IL1RAPL2: variants seen among roughly 807,000 people sequenced by gnomAD.
The protein encoded by IL1RAPL2 is interleukin 1 receptor accessory protein like 2.
Under a neutral mutation model 44.1 loss-of-function variants are expected in IL1RAPL2, and 3 were observed. That is an observed-to-expected ratio of 0.07 (90% CI 0.03 to 0.18). The LOEUF (loss-of-function observed/expected upper bound fraction) is 0.18. IL1RAPL2 is among the 10% of genes least tolerant of loss of function. The probability of loss-of-function intolerance (pLI) is 1.00; values close to 1 mark genes in which losing one functional copy is unlikely to be tolerated. For missense variants in IL1RAPL2, 391 were observed against 496.4 expected (o/e 0.79, Z 2.02); for synonymous variants, 181 against 178.8 (o/e 1.01, Z -0.10).
At chrX:105,100,332 C>T (rs1317672103) in intron 2 of IL1RAPL2, among the ~76,000 whole-genome samples, 1 of 111,559 alleles carries the variant, frequency 9.0e-6, no homozygotes, top group African/African-American at 3.3e-5. Context: ...ACTATTCAGA[C>T]TAAAGCCAGG....
At chrX:104,701,702 A>G (rs917934354) in intron 2 of IL1RAPL2, among the ~76,000 whole-genome samples, 1 of 112,175 alleles carries the variant, frequency 8.9e-6, no homozygotes, top group African/African-American at 3.2e-5. Context: ...TTGTCTAAGT[A>G]CTTACTGTCT....
intron 2 of IL1RAPL2, among the ~76,000 whole-genome samples, chrX:105,080,494 G>A (rs2032388629): frequency 8.9e-6 from 1 of 111,927 alleles, no homozygotes; most frequent in African/African-American, 3.3e-5. Flanking sequence ...CCCATTGCTT[G>A]TTTTTGTCAG....
intron 2 of IL1RAPL2, among the ~76,000 whole-genome samples, chrX:104,940,183 T>C (rs1446054184): frequency 8.9e-6 from 1 of 111,958 alleles, no homozygotes; most frequent in Non-Finnish European, 1.9e-5. Context: ...GTTCCTCTTC[T>C]TAAATATGAA....
At chrX:105,329,535 T>A (rs748751762) in intron 5 of IL1RAPL2, among the ~76,000 whole-genome samples, 2 of 112,247 alleles carry the variant, frequency 1.8e-5, no homozygotes, top group Non-Finnish European at 3.8e-5. Context: ...GCTAAGCAAC[T>A]GTTTAATTTC....
At chrX:104,627,492 AT>A (rs1462549250) in intron 1 of IL1RAPL2, among the ~76,000 whole-genome samples, 2 of 61,416 alleles carry the variant, frequency 3.3e-5, no homozygotes, top group African/African-American at 2.3e-4. Context: ...TAATAATAAA[AT>A]AAATCAATCT....
intron 2 of IL1RAPL2, among the ~76,000 whole-genome samples, chrX:104,905,828 C>T (rs1415818197): frequency 5.4e-5 from 6 of 110,803 alleles, no homozygotes; most frequent in African/African-American, 9.9e-5. Flanking sequence ...TAGTTTTTTC[C>T]AATTCTGTGA....
chrX:104,950,815 C>T (rs1156436285), intron 2 of IL1RAPL2, among the ~76,000 whole-genome samples: 1 of 110,913 alleles, frequency 9.0e-6, no homozygotes, highest in African/African-American at 3.3e-5. Context: ...TCACGTCATT[C>T]TCCTGCCTCA....
chrX:105,215,423 C>T (rs916858953), intron 3 of IL1RAPL2, among the ~76,000 whole-genome samples: 9 of 111,740 alleles, frequency 8.1e-5, no homozygotes, highest in African/African-American at 2.9e-4. Flanking sequence ...GAAGTCGAAT[C>T]CCTGAATAGA....
chrX:104,670,654 G>A (rs1446580543), intron 2 of IL1RAPL2, among the ~76,000 whole-genome samples: 1 of 110,680 alleles, frequency 9.0e-6, no homozygotes, highest in Non-Finnish European at 1.9e-5. Context: ...TGTTACCTAG[G>A]TGTATTGTGT....
intron 6 of IL1RAPL2, among the ~76,000 whole-genome samples, chrX:105,695,732 T>C (rs2038071431): frequency 9.0e-6 from 1 of 111,481 alleles, no homozygotes; most frequent in Admixed American, 9.6e-5. Context: ...CAAAACATTG[T>C]ACAATAGATA....
chrX:105,654,131 T>A (rs1411250694), intron 6 of IL1RAPL2, among the ~76,000 whole-genome samples: 1 of 104,441 alleles, frequency 9.6e-6, no homozygotes, highest in Non-Finnish European at 1.9e-5. Flanking sequence ...TGGCTGTGAG[T>A]TACTCATACT....
intron 6 of IL1RAPL2, among the ~76,000 whole-genome samples, chrX:105,563,550 G>A (rs7052302): frequency 0.02 from 2,190 of 111,832 alleles, 23 homozygotes; most frequent in Admixed American, 0.049. Context: ...GTTACACATA[G>A]AGTCTCATTT....
At chrX:105,300,677 G>T (rs1273121274) in intron 5 of IL1RAPL2, among the ~76,000 whole-genome samples, 2 of 110,838 alleles carry the variant, frequency 1.8e-5, no homozygotes, top group East Asian at 2.8e-4. Context: ...CCATATTTGG[G>T]GGTATAGGTT....
At chrX:105,095,123 C>T (rs1272448871) in intron 2 of IL1RAPL2, among the ~76,000 whole-genome samples, 1 of 111,350 alleles carries the variant, frequency 9.0e-6, no homozygotes, top group Non-Finnish European at 1.9e-5. Context: ...AGTTTTACTT[C>T]TTTTTTTCCA....
At chrX:105,564,700 C>G (rs897485213) in intron 6 of IL1RAPL2, among the ~76,000 whole-genome samples, 1 of 111,943 alleles carries the variant, frequency 8.9e-6, no homozygotes, top group African/African-American at 3.2e-5. Flanking sequence ...GCTTGTCTTA[C>G]ACTGTAGCCT....
rs775762257 is a variant in IL1RAPL2 at position 104,781,432 on chromosome X, G to T, written c.82+122437G>T. Among the ~76,000 whole-genome samples, 9 of 111,737 alleles carry T rather than the reference G, an allele frequency of 8.1e-5. No homozygotes were observed. In the East Asian group the frequency reaches 2.5e-3, roughly 32 times the overall value. ...TGTATTGGCTAAGTTACTGTAACTT[G>T]GAGACCCCAAAATATAGTGGTTTAA... On this transcript the variant is annotated intron_variant, in intron 2 of 10. Coordinates refer to ENST00000372582, the MANE Select transcript of IL1RAPL2 (RefSeq NM_017416.2).
At chrX:104,771,747 A>G (rs761943191) in intron 2 of IL1RAPL2, among the ~76,000 whole-genome samples, 1 of 111,765 alleles carries the variant, frequency 8.9e-6, no homozygotes, top group African/African-American at 3.2e-5. Context: ...GCTTGTGCTC[A>G]GTAGCACAAA....
At chrX:105,437,261 A>T (rs1387399427) in intron 5 of IL1RAPL2, among the ~76,000 whole-genome samples, 2 of 110,184 alleles carry the variant, frequency 1.8e-5, no homozygotes, top group East Asian at 2.8e-4. Flanking sequence ...AGCACTATAG[A>T]ATTTGCTTAC....
chrX:105,496,065 T>G (rs2036354802), intron 6 of IL1RAPL2, among the ~76,000 whole-genome samples: 1 of 112,271 alleles, frequency 8.9e-6, no homozygotes, highest in South Asian at 3.7e-4. Flanking sequence ...GATAAAACCT[T>G]GATCTCCATA....
Sources: gnomAD v4.1 joint callset for allele counts (sites outside exome capture counted in the v4.1 genomes callset) on GRCh38, gnomAD v4.1.1 for gene constraint, MANE v1.5 for transcripts, NCBI Gene and HGNC (gene_info 2026-07-23, HGNC 2026-07-21) for gene names.